The following FHOD3 variants were observed in gnomAD, a reference collection of about 807,000 sequenced individuals.
FHOD3 encodes formin homology 2 domain containing 3, also known as FH1/FH2 domain-containing protein 3.
In FHOD3, 90 loss-of-function variants were observed where a neutral mutation model predicts 173.0. That is an observed-to-expected ratio of 0.52 (90% confidence interval 0.44 to 0.62). The LOEUF (loss-of-function observed/expected upper bound fraction) is 0.62, where lower values mean the gene tolerates loss of function less well. Among genes scored for constraint, FHOD3 ranks in the 20% least tolerant of loss-of-function variants. The pLI, the probability that FHOD3 is intolerant of heterozygous loss-of-function variation, is 0.00. For synonymous variants in FHOD3, 828 were observed against 823.0 expected (o/e 1.01, Z -0.10); for missense variants, 1,945 against 2,034.7 (o/e 0.96, Z 0.85).
chr18:36,331,916 G>T (rs75955717), intron 1 of FHOD3, among the ~76,000 whole-genome samples: 7,577 of 152,184 alleles, frequency 0.05, 272 homozygotes, highest in East Asian at 0.19. Context: ...AATGGTGGGC[G>T]GGTGGACTAG....
intron 6 of FHOD3, among the ~76,000 whole-genome samples, chr18:36,583,530 C>T (rs1477913716): frequency 1.3e-5 from 2 of 152,090 alleles, no homozygotes; most frequent in African/African-American, 4.8e-5. Flanking sequence ...CTGGGGTTTC[C>T]CCTCCTTTTC....
intron 19 of FHOD3, among the ~76,000 whole-genome samples, chr18:36,726,156 A>G (rs2041055367): frequency 6.6e-6 from 1 of 150,522 alleles, no homozygotes; most frequent in Non-Finnish European, 1.5e-5. Flanking sequence ...ATATATGTAA[A>G]TATACATGTT....
intron 3 of FHOD3, among the ~76,000 whole-genome samples, chr18:36,396,626 T>C (rs2048565601): frequency 6.6e-6 from 1 of 152,204 alleles, no homozygotes; most frequent in Non-Finnish European, 1.5e-5. Context: ...TTAGCTTGTA[T>C]CTCTTATTTT....
intron 7 of FHOD3, among the ~76,000 whole-genome samples, chr18:36,596,099 C>T (rs2030321687): frequency 6.6e-6 from 1 of 151,956 alleles, no homozygotes; most frequent in South Asian, 2.1e-4. Flanking sequence ...AACGAGGGGC[C>T]TAAATTGCAC....
At chr18:36,729,502 T>C (rs550289262) in intron 19 of FHOD3, among the ~76,000 whole-genome samples, 111 of 152,284 alleles carry the variant, frequency 7.3e-4, no homozygotes, top group Middle Eastern at 6.8e-3. Context: ...GAAATTTATT[T>C]CTCACAGTTC....
In FHOD3 at chr18:36,591,372, C is replaced by T. The variant is rs574525101; in HGVS notation, c.607-3415C>T. ...CTCATCGCAATGGTTGGGGCGGAGGCGGGGCTTGGCTTTGCTGGGGGCTAC... is the reference window on the plus strand; with the variant it reads ...CTCATCGCAATGGTTGGGGCGGAGGTGGGGCTTGGCTTTGCTGGGGGCTAC... On this transcript the variant is annotated intron_variant, in intron 6 of 28. Coordinates refer to ENST00000590592, the MANE Select transcript of FHOD3 (RefSeq NM_001281740.3). Among the ~76,000 whole-genome samples, 9 of 152,004 alleles carry T rather than the reference C, an allele frequency of 5.9e-5. No individual in the cohort carries two copies. In the South Asian group the frequency reaches 1.5e-3, roughly 25 times the overall value.
rs191206903 is a variant in FHOD3, at chr18:36,503,474, C to T, written c.405+1475C>T. On this transcript the variant is annotated intron_variant, in intron 4 of 28. Transcript: ENST00000590592. The stretch of plus-strand genomic sequence containing the variant: ...CCCATCCACACATTCTTGTCCCATT[C>T]TTACTTCACTGTGTTCAATCATACC... Among the ~76,000 whole-genome samples, 805 of 152,320 alleles carry T rather than the reference C, an allele frequency of 5.3e-3. 5 individuals carry two copies. Among genetic ancestry groups the T allele is most frequent in the Middle Eastern group, 0.014 (4 of 294 alleles).
intron 19 of FHOD3, among the ~76,000 whole-genome samples, chr18:36,726,572 C>T (rs1266181476): frequency 6.6e-6 from 1 of 152,224 alleles, no homozygotes; most frequent in Non-Finnish European, 1.5e-5. Flanking sequence ...TTTATATCCT[C>T]TTCCCATCAT....
In FHOD3 at chr18:36,625,557, C is replaced by T. The variant is rs117005081; in HGVS notation, c.1004C>T (p.Pro335Leu). The T allele has an allele frequency of 1.3e-6, 2 of 1,513,040 alleles. No homozygotes were observed. The highest frequency in any genetic ancestry group is 2.5e-5 in the East Asian group (1 of 40,684). 93.7% of individuals were successfully genotyped at this position (1,513,040 alleles called of 1,614,324 possible). A position where few individuals can be genotyped will look rare whatever the true frequency, so the allele number is the denominator to read the frequency against. Residue 335 changes from proline (P) to leucine (L), a missense_variant, in exon 10 of 29, where the codon CCC becomes CTC. Transcript: ENST00000590592. Reference sequence around the variant, plus strand: ...GGCGATGAGACCACGGAGCCACCCCCCAGTGGGTGCCGGGACCGGAGGAGG... The same window carrying T: ...GGCGATGAGACCACGGAGCCACCCCTCAGTGGGTGCCGGGACCGGAGGAGG... ...EDGDETTEPP[P>L]SGCRDRRRAS...
intron 2 of FHOD3, among the ~76,000 whole-genome samples, chr18:36,365,640 T>G (rs1428339524): frequency 3.9e-5 from 6 of 152,188 alleles, no homozygotes; most frequent in African/African-American, 1.2e-4. Flanking sequence ...AATCAGTGGA[T>G]TATATCCATA....
intron 1 of FHOD3, among the ~76,000 whole-genome samples, chr18:36,343,579 C>T (rs757372414): frequency 1.1e-4 from 16 of 152,120 alleles, no homozygotes; most frequent in South Asian, 2.1e-4. Context: ...CATATTTTTT[C>T]CATGCAAGAG....
At chr18:36,388,681 G>C (rs551100425) in intron 3 of FHOD3, among the ~76,000 whole-genome samples, 1 of 152,270 alleles carries the variant, frequency 6.6e-6, no homozygotes, top group Non-Finnish European at 1.5e-5. Flanking sequence ...ACCCTGCTCT[G>C]TCCTGAGGGC....
chr18:36,760,728 G>C lies in FHOD3; in HGVS notation c.4570G>C (p.Val1524Leu). The C allele has an allele frequency of 1.2e-6, 2 of 1,613,022 alleles. No homozygotes were observed. Residue 1524 changes from valine to leucine, a missense_variant, in exon 27 of 29, where the codon GTG becomes CTG. Physicochemically the swap from Val to Leu is conservative, Grantham distance 32 (BLOSUM62 1). This residue lies in a region of FHOD3 where 354 missense variants were observed against 359.9 expected (regional missense o/e 0.98). Coordinates refer to ENST00000590592, the MANE Select transcript of FHOD3 (RefSeq NM_001281740.3). ...TGTGCTGAAAACCTCGTCCCCCTCC[G>C]TGGAGGACGCCACCCCCGCGCTGGG... ...KAVLKTSSPS[V>L]EDATPALGVR... is the part of the protein sequence containing the mutation.
chr18:36,730,065 T>G (rs533350072), intron 19 of FHOD3, among the ~76,000 whole-genome samples: 1 of 152,298 alleles, frequency 6.6e-6, no homozygotes, highest in Non-Finnish European at 1.5e-5. Context: ...ACCAGGCAGC[T>G]GCACAGAGGC....
At chr18:36,601,006 C>T (rs559497200) in intron 7 of FHOD3, among the ~76,000 whole-genome samples, 5 of 152,324 alleles carry the variant, frequency 3.3e-5, no homozygotes, top group Non-Finnish European at 7.3e-5. Context: ...ATATCTTAAA[C>T]TGGACAGTGA....
At chr18:36,496,589 T>C (rs566189197) in intron 3 of FHOD3, among the ~76,000 whole-genome samples, 18 of 152,328 alleles carry the variant, frequency 1.2e-4, no homozygotes, top group African/African-American at 4.1e-4. Flanking sequence ...AACCACAGTA[T>C]TGTTCTTTGT....
chr18:36,426,113 C>T (rs559064985), intron 3 of FHOD3, among the ~76,000 whole-genome samples: 1 of 152,050 alleles, frequency 6.6e-6, no homozygotes, highest in African/African-American at 2.4e-5. Context: ...ACCATGTTAG[C>T]CAGAATGATC....
At chr18:36,371,873 G>C (rs1391228201) in intron 2 of FHOD3, among the ~76,000 whole-genome samples, 3 of 152,152 alleles carry the variant, frequency 2.0e-5, no homozygotes, top group African/African-American at 7.2e-5. Flanking sequence ...CTGCCATGCT[G>C]TTGGCTGGCT....
intron 17 of FHOD3, among the ~76,000 whole-genome samples, chr18:36,698,508 T>C (rs974595468): frequency 5.3e-5 from 8 of 152,142 alleles, no homozygotes; most frequent in African/African-American, 1.9e-4. Context: ...GAGAATAGCT[T>C]GAACCCAGGA....
Sources: allele counts gnomAD v4.1 joint callset (sites outside exome capture counted in the v4.1 genomes callset), GRCh38; gene constraint gnomAD v4.1.1; regional missense constraint gnomAD v4.1.1; transcripts MANE v1.5; gene names NCBI Gene and HGNC (gene_info 2026-07-23, HGNC 2026-07-21).